The following LYRM4 variants were observed in gnomAD, a reference collection of about 807,000 sequenced individuals.
LYRM4 encodes the protein LYR motif-containing protein 4.
LYRM4 carries 9 observed loss-of-function variants against 11.7 expected under a neutral mutation model. The observed-to-expected ratio is 0.77, with a 90% CI of 0.46 to 1.34. The LOEUF is 1.34. LYRM4 is among the 40% of genes most tolerant of loss of function. The pLI, the probability that LYRM4 is intolerant of heterozygous loss-of-function variation, is 0.00. For synonymous variants in LYRM4, 42 were observed against 40.4 expected, an observed-to-expected ratio of 1.04 and a Z score of -0.15; for missense variants, 133 against 112.5, an observed-to-expected ratio of 1.18 and a Z score of -0.82.
the LYRM4 span, among the ~76,000 whole-genome samples, chr6:5,084,230 A>G: frequency 6.6e-6 from 1 of 152,234 alleles, no homozygotes; most frequent in Non-Finnish European, 1.5e-5. Flanking sequence ...TGGCCTTAAA[A>G]CCAAAACAAG....
chr6:5,203,856 A>T (rs1222790324), intron 2 of LYRM4, among the ~76,000 whole-genome samples: 4 of 152,246 alleles, frequency 2.6e-5, no homozygotes, highest in Non-Finnish European at 5.9e-5. Context: ...TATGGGGCTG[A>T]AACCAAAGTG....
At chr6:5,043,747 C>T in the LYRM4 span, among the ~76,000 whole-genome samples, 1 of 152,126 alleles carries the variant, frequency 6.6e-6, no homozygotes, top group Non-Finnish European at 1.5e-5. Context: ...ACCAACCAAT[C>T]CAGAGCCCAC....
At chr6:5,209,942 A>C (rs1761908370) in intron 2 of LYRM4, among the ~76,000 whole-genome samples, 1 of 152,222 alleles carries the variant, frequency 6.6e-6, no homozygotes, top group African/African-American at 2.4e-5. Context: ...TCTTTGGAAG[A>C]AAACTGTCTG....
chr6:5,168,887 G>C (rs539451914), intron 2 of LYRM4, among the ~76,000 whole-genome samples: 4 of 152,250 alleles, frequency 2.6e-5, no homozygotes, highest in Admixed American at 1.3e-4. Flanking sequence ...AGAATATACT[G>C]CAAGAGTGAC....
intron 2 of LYRM4, among the ~76,000 whole-genome samples, chr6:5,134,585 T>G (rs961028504): frequency 6.6e-6 from 1 of 152,312 alleles, no homozygotes; most frequent in East Asian, 1.9e-4. Flanking sequence ...ACCAAAATAG[T>G]TTAATATGAA....
chr6:5,075,848 C>T, the LYRM4 span, among the ~76,000 whole-genome samples: 1 of 151,960 alleles, frequency 6.6e-6, no homozygotes, highest in Non-Finnish European at 1.5e-5. Flanking sequence ...AGAATTCAAA[C>T]AGTATAAAAG....
At chr6:5,171,918 T>A (rs1759451964) in intron 2 of LYRM4, among the ~76,000 whole-genome samples, 1 of 152,182 alleles carries the variant, frequency 6.6e-6, no homozygotes, top group Non-Finnish European at 1.5e-5. Context: ...CATCAATTTC[T>A]AGGACAGAAC....
intron 2 of LYRM4, among the ~76,000 whole-genome samples, chr6:5,197,643 C>G (rs1264500915): frequency 6.6e-6 from 1 of 152,042 alleles, no homozygotes; most frequent in Non-Finnish European, 1.5e-5. Context: ...CACTGCACTC[C>G]AACTTGGGTG....
intron 2 of LYRM4, among the ~76,000 whole-genome samples, chr6:5,116,814 C>T (rs1274825806): frequency 1.3e-5 from 2 of 152,192 alleles, no homozygotes; most frequent in Non-Finnish European, 2.9e-5. Flanking sequence ...CTCTGAGACT[C>T]ATTAGACAAA....
the LYRM4 span, among the ~76,000 whole-genome samples, chr6:5,040,352 G>GATAC: frequency 0.031 from 4,073 of 129,886 alleles, 89 homozygotes; most frequent in African/African-American, 0.039. Flanking sequence ...TAGATAGATA[G>GATAC]ATACATACAT....
the LYRM4 span, among the ~76,000 whole-genome samples, chr6:5,058,129 C>A: frequency 3.3e-5 from 5 of 152,160 alleles, no homozygotes; most frequent in African/African-American, 1.2e-4. Context: ...TCCATTTTCC[C>A]GAGACCCAGT....
At chr6:5,205,262 G>T (rs1391848240) in intron 2 of LYRM4, among the ~76,000 whole-genome samples, 9 of 150,542 alleles carry the variant, frequency 6.0e-5, no homozygotes. Flanking sequence ...TTCCCTAGGG[G>T]AGGAGGTGAA....
chr6:5,071,679 A>G, the LYRM4 span, among the ~76,000 whole-genome samples: 1 of 151,976 alleles, frequency 6.6e-6, no homozygotes, highest in Admixed American at 6.6e-5. Flanking sequence ...GCTCTGTCAC[A>G]CAGGCTGGAG....
chr6:5,041,913 G>A, the LYRM4 span, among the ~76,000 whole-genome samples: 1 of 152,170 alleles, frequency 6.6e-6, no homozygotes, highest in South Asian at 2.1e-4. Flanking sequence ...CTGTTTCTTT[G>A]AGCAGTCTTA....
chr6:5,209,282 A>G (rs1247056488), intron 2 of LYRM4, among the ~76,000 whole-genome samples: 2 of 152,084 alleles, frequency 1.3e-5, no homozygotes, highest in Non-Finnish European at 2.9e-5. Flanking sequence ...TTTTTAGTAG[A>G]GATGGGGTTT....
intron 2 of LYRM4, among the ~76,000 whole-genome samples, chr6:5,191,439 A>G (rs1281722997): frequency 2.6e-5 from 4 of 152,318 alleles, no homozygotes; most frequent in South Asian, 2.1e-4. Context: ...TGAGAAGTAT[A>G]TGACTCAAAG....
rs1764077065 is a variant in LYRM4 at position 5,245,050 on chromosome 6, G to C, written c.86+15598C>G. The stretch of plus-strand genomic sequence containing the variant: ...ACACATATGTGACACTGATCCCAAG[G>C]ACAAAGGAATCATGCTGACTTTATT... On this transcript the variant is annotated intron_variant, in intron 1 of 2. Transcript: ENST00000330636. Among the ~76,000 whole-genome samples the C allele has an allele frequency of 3.4e-5, 4 of 117,024 alleles. No homozygotes were observed. In the East Asian group the frequency reaches 1.1e-3, roughly 33 times the overall value. 76.8% of individuals were successfully genotyped at this position (117,024 alleles called of 152,430 possible). A position where few individuals can be genotyped will look rare whatever the true frequency, so the allele number is the denominator to read the frequency against.
At chr6:5,115,440 G>T (rs1055341329) in intron 2 of LYRM4, among the ~76,000 whole-genome samples, 1 of 152,140 alleles carries the variant, frequency 6.6e-6, no homozygotes. Flanking sequence ...TCTATGCGGC[G>T]GCTAGAACAA....
At chr6:5,136,371 A>T (rs1222495138) in intron 2 of LYRM4, 1 of 985,250 alleles carries the variant, frequency 1.0e-6, no homozygotes, top group Admixed American at 6.2e-5. Flanking sequence ...GGCTGGGTTG[A>T]GGGTGGAGAA....
Sources: gnomAD v4.1 joint callset for allele counts (sites outside exome capture counted in the v4.1 genomes callset) on GRCh38, gnomAD v4.1.1 for gene constraint, MANE v1.5 for transcripts, NCBI Gene and HGNC (gene_info 2026-07-23, HGNC 2026-07-21) for gene names.